The following AKR1C4 variants were observed in gnomAD, a reference collection of about 807,000 sequenced individuals.
AKR1C4 encodes aldo-keto reductase family 1 member C4.
A neutral mutation model predicts 41.0 loss-of-function variants in AKR1C4; 44 were observed. That is an observed-to-expected ratio of 1.07 (90% confidence interval 0.84 to 1.38). The LOEUF is 1.38. AKR1C4 is among the 40% of genes most tolerant of loss of function. The pLI is 0.00. For missense variants in AKR1C4, 438 were observed against 387.9 expected (o/e 1.13, Z -1.09); for synonymous variants, 165 against 137.7 (o/e 1.20, Z -1.39).
chr10:5,204,393 T>G lies in AKR1C4; in HGVS notation c.269T>G (p.Phe90Cys). The G allele has an allele frequency of 1.2e-6, 2 of 1,613,732 alleles. No homozygotes were observed. The highest frequency in any genetic ancestry group is 1.7e-6 in the Non-Finnish European group (2 of 1,179,732). Reference sequence around the variant, plus strand: ...ACCATGCAGCTTTGGTGCACTTTCTTTCAACCACAGATGGTCCAACCAGCC... The same window carrying G: ...ACCATGCAGCTTTGGTGCACTTTCTGTCAACCACAGATGGTCCAACCAGCC... ...FYTSKLWCTFFQPQMVQPALE... is the reference protein window; with the variant it reads ...FYTSKLWCTFCQPQMVQPALE... Residue 90 changes from phenylalanine to cysteine, a missense_variant, in exon 3 of 9, where the codon TTT becomes TGT. Physicochemically the swap from Phe to Cys is radical, Grantham distance 205. Coordinates refer to ENST00000263126, the MANE Select transcript of AKR1C4 (RefSeq NM_001818.5).
chr10:5,215,132 C>G (rs1327698904), intron 7 of AKR1C4, among the ~76,000 whole-genome samples: 6 of 152,108 alleles, frequency 3.9e-5, no homozygotes, highest in Non-Finnish European at 7.4e-5. Flanking sequence ...TAAAGTTAAA[C>G]TGGTGTGTAC....
chr10:5,210,794 TAG>T (rs1832562891), intron 5 of AKR1C4, among the ~76,000 whole-genome samples: 1 of 152,104 alleles, frequency 6.6e-6, no homozygotes, highest in Non-Finnish European at 1.5e-5. Flanking sequence ...GCATCTTTAG[TAG>T]AGACAGGGTT....
At chr10:5,206,894 T>C (rs1372384475) in intron 5 of AKR1C4, among the ~76,000 whole-genome samples, 1 of 152,186 alleles carries the variant, frequency 6.6e-6, no homozygotes, top group African/African-American at 2.4e-5. Context: ...TCATAGTTCT[T>C]GAGCAGGTAC....
intron 4 of AKR1C4, 127 bp downstream of exon 4, chr10:5,205,961 G>C (rs1229801814): frequency 2.9e-6 from 3 of 1,044,008 alleles, no homozygotes; most frequent in Non-Finnish European, 4.2e-6. Flanking sequence ...GACAAAGGAA[G>C]TTTTGCTGAG....
In AKR1C4 at chr10:5,212,742, G is replaced by A. The variant is rs187413711; in HGVS notation, c.680+17G>A. The A allele has an allele frequency of 8.1e-6, 13 of 1,599,144 alleles. No homozygotes were observed. The highest frequency in any genetic ancestry group is 1.1e-5 in the Non-Finnish European group (13 of 1,173,152). ...TAAACTATGGTAATAAGAGCATCAG[G>A]AAGTTTACCTAAAATGCCATTTTGA... On this transcript the variant is annotated intron_variant, in intron 6 of 8. Transcript: ENST00000263126.
intron 2 of AKR1C4, among the ~76,000 whole-genome samples, chr10:5,202,700 GATTTT>G (rs782389097): frequency 2.0e-5 from 3 of 152,040 alleles, no homozygotes; most frequent in South Asian, 2.1e-4. Context: ...ATGGATGTTG[GATTTT>G]ATTAATTGCT....
At chr10:5,206,044 G>C (rs954212072) in intron 4 of AKR1C4, among the ~76,000 whole-genome samples, 20 of 152,184 alleles carry the variant, frequency 1.3e-4, no homozygotes, top group Non-Finnish European at 1.3e-4. Flanking sequence ...AAGGAAGACA[G>C]ATATTCCTCC....
chr10:5,210,769 A>T (rs2398158), intron 5 of AKR1C4, among the ~76,000 whole-genome samples: 1 of 152,178 alleles, frequency 6.6e-6, no homozygotes, highest in South Asian at 2.1e-4. Flanking sequence ...GTGCCACCAC[A>T]CCTGGCTAAT....
At position 5,204,662 on chromosome 10, in the gene AKR1C4, C is replaced by CGT. The variant is rs1564401490; in HGVS notation, c.369+170_369+171dup. The CGT allele has an allele frequency of 4.0e-6, 3 of 757,186 alleles. No individual in the cohort carries two copies. In the Admixed American group the frequency reaches 5.2e-5, roughly 13 times the overall value. 46.9% of individuals were successfully genotyped at this position (757,186 alleles called of 1,614,324 possible). A position where few individuals can be genotyped will look rare whatever the true frequency, so the allele number is the denominator to read the frequency against. On this transcript the variant is annotated intron_variant, in intron 3 of 8. Coordinates refer to ENST00000263126, the MANE Select transcript of AKR1C4 (RefSeq NM_001818.5). ...GAAGAGTACAACCTTCCTTCTGTAA[C>CGT]GTATGATGACAAGAGAAGACAGTAC...
At chr10:5,209,826 A>G (rs1400142198) in intron 5 of AKR1C4, among the ~76,000 whole-genome samples, 2 of 151,824 alleles carry the variant, frequency 1.3e-5, no homozygotes, top group African/African-American at 2.4e-5. Context: ...GAGCTAAAAG[A>G]TGACATTTGG....
chr10:5,199,483 T>G (rs1270896640), intron 1 of AKR1C4, among the ~76,000 whole-genome samples: 1 of 152,160 alleles, frequency 6.6e-6, no homozygotes, highest in Non-Finnish European at 1.5e-5. Flanking sequence ...GCCCCCATCC[T>G]GTGCCTATAA....
At chr10:5,213,890 G>A (rs1832614162) in intron 7 of AKR1C4, among the ~76,000 whole-genome samples, 1 of 151,934 alleles carries the variant, frequency 6.6e-6, no homozygotes, top group Admixed American at 6.6e-5. Context: ...CCCGTATTTT[G>A]ATTCCCTTTA....
intron 6 of AKR1C4, 111 bp downstream of exon 6, chr10:5,212,836 A>C: frequency 7.1e-7 from 1 of 1,404,422 alleles, no homozygotes; most frequent in South Asian, 1.4e-5. Context: ...GTAAGGGGAT[A>C]ATTTGCATTT....
rs1349129117 is a variant in AKR1C4 at position 5,204,485 on chromosome 10, G to T, written c.361G>T (p.Ala121Ser). 1.1e-5 allele frequency: 17 copies of T among 1,608,382 alleles called. No individual in the cohort carries two copies. Among genetic ancestry groups the T allele is most frequent in the Non-Finnish European group, 1.4e-5 (17 of 1,175,132 alleles). Residue 121 changes from alanine (A) to serine (S), a missense_variant, in exon 3 of 9, where the codon GCT becomes TCT. Ala to Ser is a moderately conservative substitution (Grantham distance 99). Transcript: ENST00000263126. The stretch of plus-strand genomic sequence containing the variant: ...CCTCTATCTTCTTCATTTCCCAATG[G>T]CTCTCAAGGTAGGGAATTTGTGAGA... ...VDLYLLHFPMALKPGETPLPK... is the reference protein window; with the variant it reads ...VDLYLLHFPMSLKPGETPLPK...
intron 1 of AKR1C4, among the ~76,000 whole-genome samples, chr10:5,199,029 A>C (rs1554796619): frequency 2.0e-5 from 3 of 152,116 alleles, no homozygotes; most frequent in African/African-American, 7.2e-5. Flanking sequence ...TCAAATAATA[A>C]TAACTATTTA....
chr10:5,208,216 T>G (rs1007621929), intron 5 of AKR1C4, among the ~76,000 whole-genome samples: 1 of 151,630 alleles, frequency 6.6e-6, no homozygotes, highest in East Asian at 1.9e-4. Flanking sequence ...TCAAATCAAC[T>G]GTTTAGAAGC....
At chr10:5,198,530 T>C (rs141965819) in intron 1 of AKR1C4, among the ~76,000 whole-genome samples, 4 of 152,286 alleles carry the variant, frequency 2.6e-5, no homozygotes, top group Non-Finnish European at 2.9e-5. Flanking sequence ...ATCTTGGGAA[T>C]TGAGTCTCCA....
At chr10:5,197,911 A>G (rs1159977903) in intron 1 of AKR1C4, among the ~76,000 whole-genome samples, 1 of 152,214 alleles carries the variant, frequency 6.6e-6, no homozygotes, top group African/African-American at 2.4e-5. Context: ...TGCACAGCAA[A>G]CAGAGGATCA....
chr10:5,217,974 A>T (rs1554798735), intron 8 of AKR1C4, among the ~76,000 whole-genome samples: 1 of 152,246 alleles, frequency 6.6e-6, no homozygotes, highest in Non-Finnish European at 1.5e-5. Flanking sequence ...AAGGATAAGC[A>T]CAGCAGCACA....
Sources: allele counts gnomAD v4.1 joint callset (sites outside exome capture counted in the v4.1 genomes callset), GRCh38; gene constraint gnomAD v4.1.1; transcripts MANE v1.5; gene names NCBI Gene and HGNC (gene_info 2026-07-23, HGNC 2026-07-21).